Variants in NTM observed in about 807,000 individuals in gnomAD.
NTM encodes neurotrimin.
A neutral mutation model predicts 42.1 loss-of-function variants in NTM; 13 were observed. The observed-to-expected ratio is 0.31, with a 90% confidence interval of 0.20 to 0.49. The LOEUF (loss-of-function observed/expected upper bound fraction) is 0.49, where lower values mean the gene tolerates loss of function less well. Ranked by LOEUF, NTM falls within the 20% of genes least tolerant of loss-of-function variation. The pLI is 0.99. For synonymous variants in NTM, 187 were observed against 179.2 expected (o/e 1.04, Z -0.35); for missense variants, 373 against 452.8 (o/e 0.82, Z 1.60).
intron 1 of NTM, among the ~76,000 whole-genome samples, chr11:131,893,509 T>C (rs2051721240): frequency 6.6e-6 from 1 of 152,138 alleles, no homozygotes; most frequent in Non-Finnish European, 1.5e-5. Flanking sequence ...CCAATGTCTA[T>C]GAGAGTGAGG....
intron 1 of NTM, among the ~76,000 whole-genome samples, chr11:131,793,372 C>T (rs1015787850): frequency 1.3e-5 from 2 of 152,174 alleles, no homozygotes; most frequent in Admixed American, 6.5e-5. Flanking sequence ...TAATATTTAG[C>T]ACCAGCTAGG....
chr11:131,582,678 G>A (rs879636337), intron 1 of NTM, among the ~76,000 whole-genome samples: 2 of 152,020 alleles, frequency 1.3e-5, no homozygotes, highest in Non-Finnish European at 2.9e-5. Flanking sequence ...ACAATTTGTG[G>A]TGCATAGTTA....
At chr11:132,046,194 G>A (rs2077962032) in intron 2 of NTM, among the ~76,000 whole-genome samples, 2 of 152,154 alleles carry the variant, frequency 1.3e-5, no homozygotes, top group Non-Finnish European at 2.9e-5. Context: ...TGCGTGAAGT[G>A]CTCAGCACAG....
Position 131,547,478 on chromosome 11 carries a change from G to A in NTM, c.82+176590G>A, listed in dbSNP as rs145703824. Among the ~76,000 whole-genome samples the A allele has an allele frequency of 4.9e-3, 753 of 152,288 alleles. 6 individuals carry two copies. The highest frequency in any genetic ancestry group is 0.018 in the African/African-American group (731 of 41,572). On this transcript the variant is annotated intron_variant, in intron 1 of 8. Transcript: ENST00000683400. ...GAGCCTTCGGTGGCAGATGCCAGGC[G>A]CTAACCGTGGGTGACAGTGGGATGG... is the stretch of plus-strand genomic sequence containing the variant.
At chr11:131,723,671 T>C (rs1325763991) in intron 1 of NTM, among the ~76,000 whole-genome samples, 2 of 152,240 alleles carry the variant, frequency 1.3e-5, no homozygotes, top group African/African-American at 4.8e-5. Context: ...CCCAAGCATC[T>C]AAGAAAACAG....
At chr11:131,641,578 C>A (rs1385979067) in intron 1 of NTM, among the ~76,000 whole-genome samples, 3 of 152,146 alleles carry the variant, frequency 2.0e-5, no homozygotes, top group Non-Finnish European at 4.4e-5. Context: ...TGTCAGCCTG[C>A]CTGCCATTTC....
intron 4 of NTM, among the ~76,000 whole-genome samples, chr11:132,241,829 A>G (rs1228013685): frequency 6.6e-6 from 1 of 152,216 alleles, no homozygotes; most frequent in Non-Finnish European, 1.5e-5. Flanking sequence ...TCCCTGATTT[A>G]TAGTACATTC....
At position 131,871,683 on chromosome 11, in the gene NTM, G is replaced by A. The variant is rs189933932; in HGVS notation, c.83-39881G>A. ...TAATCCAAGGAGATGCATGGAGAGA[G>A]GATTGCACCTGTTAGCTGCTCCTCT... On this transcript the variant is annotated intron_variant, in intron 1 of 8. Coordinates refer to ENST00000683400, the MANE Select transcript of NTM (RefSeq NM_001352005.2). Among the ~76,000 whole-genome samples, 18 of 152,302 alleles carry A rather than the reference G, an allele frequency of 1.2e-4. No homozygotes were observed. The East Asian group carries it at 3.3e-3, about 28-fold the overall frequency.
intron 4 of NTM, among the ~76,000 whole-genome samples, chr11:132,220,527 T>C (rs1308780824): frequency 6.6e-6 from 1 of 152,258 alleles, no homozygotes; most frequent in Non-Finnish European, 1.5e-5. Flanking sequence ...GGGAAATTAA[T>C]GAGTTCAATG....
chr11:131,903,958 A>G (rs1023889764), intron 1 of NTM, among the ~76,000 whole-genome samples: 12 of 151,920 alleles, frequency 7.9e-5, no homozygotes, highest in African/African-American at 2.9e-4. Flanking sequence ...TTGTTTTTTG[A>G]CAAACAAAGG....
At chr11:131,502,626 C>T (rs2046975943) in intron 1 of NTM, 1 of 152,270 alleles carries the variant, frequency 6.6e-6, no homozygotes, top group African/African-American at 2.4e-5. Context: ...ACCCACACCC[C>T]AGGCTGACGT....
At chr11:131,666,178 A>C (rs558323722) in intron 1 of NTM, among the ~76,000 whole-genome samples, 1 of 152,276 alleles carries the variant, frequency 6.6e-6, no homozygotes, top group East Asian at 1.9e-4. Context: ...ACCCATGGTC[A>C]AGTGACTGAG....
At chr11:131,409,596 G>A (rs1021980345) in intron 1 of NTM, among the ~76,000 whole-genome samples, 6 of 152,374 alleles carry the variant, frequency 3.9e-5, no homozygotes, top group Admixed American at 3.3e-4. Flanking sequence ...GAGTGACCTT[G>A]AGAAGGTCGA....
intron 2 of NTM, among the ~76,000 whole-genome samples, chr11:132,020,283 C>T (rs78093739): frequency 5.8e-4 from 88 of 152,144 alleles, no homozygotes; most frequent in Non-Finnish European, 1.1e-3. Context: ...TTGTGAATAA[C>T]ACTAATATCT....
intron 2 of NTM, among the ~76,000 whole-genome samples, chr11:132,130,937 A>G (rs1214357958): frequency 6.6e-6 from 1 of 152,242 alleles, no homozygotes; most frequent in Non-Finnish European, 1.5e-5. Flanking sequence ...TCATAGCCTC[A>G]GATCTGGGAT....
intron 1 of NTM, among the ~76,000 whole-genome samples, chr11:131,431,778 G>A (rs1467210717): frequency 4.6e-5 from 7 of 152,224 alleles, no homozygotes; most frequent in East Asian, 3.9e-4. Context: ...GGAGCCAAGC[G>A]TGCATCTCCT....
chr11:132,245,883 T>C (rs1244493899), intron 4 of NTM, among the ~76,000 whole-genome samples: 2 of 152,110 alleles, frequency 1.3e-5, no homozygotes, highest in Non-Finnish European at 2.9e-5. Context: ...GCAGAGAGAC[T>C]CGGGGAGCCA....
At chr11:131,623,808 T>C (rs1195213687) in intron 1 of NTM, among the ~76,000 whole-genome samples, 2 of 152,052 alleles carry the variant, frequency 1.3e-5, no homozygotes, top group African/African-American at 4.8e-5. Flanking sequence ...GAGATAATGG[T>C]GTGTGTTTGC....
At chr11:131,551,731 G>T (rs1013844491) in intron 1 of NTM, among the ~76,000 whole-genome samples, 3 of 152,188 alleles carry the variant, frequency 2.0e-5, no homozygotes, top group Non-Finnish European at 2.9e-5. Context: ...ACATGTTTTT[G>T]TGGAGAATTC....
Sources: gnomAD v4.1 joint callset for allele counts (sites outside exome capture counted in the v4.1 genomes callset) on GRCh38, gnomAD v4.1.1 for gene constraint, MANE v1.5 for transcripts, NCBI Gene and HGNC (gene_info 2026-07-23, HGNC 2026-07-21) for gene names.